Variants in PRSS23 observed in about 807,000 individuals in gnomAD.
PRSS23 encodes protease, serine 23.
Under a neutral mutation model 34.7 loss-of-function variants are expected in PRSS23, and 25 were observed. That is an observed-to-expected ratio of 0.72 (90% CI 0.53 to 1.01). The LOEUF is 1.01. Among genes scored for constraint, PRSS23 ranks in the 50% least tolerant of loss-of-function variants. The pLI is 0.00. For missense variants in PRSS23, 445 were observed against 475.6 expected (o/e 0.94, Z 0.60); for synonymous variants, 176 against 186.6 (o/e 0.94, Z 0.46).
chr11:86,821,513 T>C, intron 1 of PRSS23: 4 of 1,611,090 alleles, frequency 2.5e-6, no homozygotes, highest in Non-Finnish European at 3.4e-6. Context: ...AAAAATCCAT[T>C]GTTCAGTTGC....
At chr11:86,805,336 C>T (rs967915310) in intron 1 of PRSS23, among the ~76,000 whole-genome samples, 1 of 152,216 alleles carries the variant, frequency 6.6e-6, no homozygotes, top group Non-Finnish European at 1.5e-5. Context: ...ACCCATTTCA[C>T]TGCCAAGTTC....
At chr11:86,799,491 A>T (rs1481277983), upstream of PRSS23, among the ~76,000 whole-genome samples, 2 of 152,184 alleles carry the variant, frequency 1.3e-5, no homozygotes, top group African/African-American at 4.8e-5. Flanking sequence ...GGCAAGTCAT[A>T]AAACCTCTCC....
intron 2 of PRSS23, among the ~76,000 whole-genome samples, chr11:86,825,559 C>T (rs1948293446): frequency 1.3e-5 from 2 of 150,758 alleles, no homozygotes; most frequent in South Asian, 4.2e-4. Context: ...CTTGCCCATG[C>T]CTATGTCCTG....
chr11:86,813,103 G>A (rs1948191779), downstream of PRSS23, among the ~76,000 whole-genome samples: 1 of 152,162 alleles, frequency 6.6e-6, no homozygotes, highest in Non-Finnish European at 1.5e-5. Flanking sequence ...ATTGCTTGCT[G>A]CTTCTCAGAT....
chr11:86,903,517 C>G (rs1242366998), intron 2 of PRSS23, among the ~76,000 whole-genome samples: 1 of 139,826 alleles, frequency 7.2e-6, no homozygotes, highest in Non-Finnish European at 1.5e-5. Flanking sequence ...GAGTCTCGCT[C>G]TGTTGCCCAG....
intron 2 of PRSS23, among the ~76,000 whole-genome samples, chr11:86,871,943 C>A (rs549737352): frequency 6.6e-6 from 1 of 152,334 alleles, no homozygotes; most frequent in East Asian, 1.9e-4. Flanking sequence ...TATTTGTGTG[C>A]ACACATAGGT....
chr11:86,853,625 T>C (rs1948547437), intron 2 of PRSS23, among the ~76,000 whole-genome samples: 1 of 152,190 alleles, frequency 6.6e-6, no homozygotes, highest in South Asian at 2.1e-4. Context: ...TTTTTCATTC[T>C]TCTGTCCACG....
intron 2 of PRSS23, among the ~76,000 whole-genome samples, chr11:86,845,017 G>C (rs1401853410): frequency 6.6e-6 from 1 of 151,960 alleles, no homozygotes; most frequent in Non-Finnish European, 1.5e-5. Flanking sequence ...GAACTTGAGA[G>C]GTGGAAGTTG....
chr11:86,951,153 T>C (rs747158245), intron 2 of PRSS23: 28 of 1,614,036 alleles, frequency 1.7e-5, no homozygotes, highest in Non-Finnish European at 2.4e-5. Flanking sequence ...TATACCACAG[T>C]CTCACTGCCT....
At chr11:86,929,046 G>A (rs1168658131) in intron 2 of PRSS23, among the ~76,000 whole-genome samples, 2 of 152,102 alleles carry the variant, frequency 1.3e-5, no homozygotes, top group Non-Finnish European at 2.9e-5. Flanking sequence ...ACTTGGCTGG[G>A]TGCGGTGCCT....
At chr11:86,799,385 T>C (rs998527667), upstream of PRSS23, among the ~76,000 whole-genome samples, 11 of 152,012 alleles carry the variant, frequency 7.2e-5, no homozygotes, top group African/African-American at 2.7e-4. Context: ...TTTCTGAGAG[T>C]AGACTTTGAT....
chr11:86,905,960 G>C lies in PRSS23; in HGVS notation c.207-45256G>C, dbSNP rs577478886. ...GATGAGATCTCCTGATCTTGCTGGT[G>C]CCCTAGGCCCATCCCCACTGATGAC... On this transcript the variant is annotated intron_variant, in intron 2 of 2. Coordinates refer to the PRSS23 transcript ENST00000533902. 8.5e-5 allele frequency among the ~76,000 whole-genome samples: 13 copies of C among 152,304 alleles called. No homozygotes were observed. The East Asian group carries it at 2.5e-3, about 29-fold the overall frequency.
chr11:86,875,971 A>G (rs1298774083), intron 2 of PRSS23, among the ~76,000 whole-genome samples: 2 of 152,138 alleles, frequency 1.3e-5, no homozygotes, highest in Non-Finnish European at 2.9e-5. Context: ...AAAATAAAAC[A>G]CTGTGGGCTC....
intron 2 of PRSS23, among the ~76,000 whole-genome samples, chr11:86,856,356 A>T (rs1191646311): frequency 1.3e-5 from 2 of 151,606 alleles, no homozygotes; most frequent in East Asian, 3.9e-4. Flanking sequence ...ATGCCCACAC[A>T]GGTGCAAGTA....
At chr11:86,943,819 T>C (rs936637550) in intron 2 of PRSS23, among the ~76,000 whole-genome samples, 9 of 151,684 alleles carry the variant, frequency 5.9e-5, no homozygotes, top group African/African-American at 1.9e-4. Context: ...TCTCGGCTCA[T>C]TGCAACCTCT....
chr11:86,792,627 A>C (rs1947958372), intron 1 of PRSS23, among the ~76,000 whole-genome samples: 1 of 152,238 alleles, frequency 6.6e-6, no homozygotes, highest in African/African-American at 2.4e-5. Context: ...AAAACGAATA[A>C]AATTACAAGA....
intron 2 of PRSS23, among the ~76,000 whole-genome samples, chr11:86,831,128 A>G (rs1412818794): frequency 6.6e-6 from 1 of 151,920 alleles, no homozygotes; most frequent in Non-Finnish European, 1.5e-5. Context: ...GAAGGTGTAC[A>G]CTCCGTGATA....
rs373628516 is a variant in PRSS23 at position 86,807,930 on chromosome 11, G to A, written c.287G>A (p.Arg96His). Reference sequence around the variant, plus strand: ...GAAACGCTCTATGCCAATGGCAGCCGCACAGAGACGCAGGTGGGCATCTAC... The same window carrying A: ...GAAACGCTCTATGCCAATGGCAGCCACACAGAGACGCAGGTGGGCATCTAC... ...SYETLYANGS[R>H]TETQVGIYIL... is the part of the protein sequence containing the mutation. Residue 96 changes from arginine to histidine, a missense_variant, in exon 2 of 2, where the codon CGC becomes CAC. Transcript: ENST00000280258. 2.0e-5 allele frequency: 32 copies of A among 1,614,012 alleles called. No individual in the cohort carries two copies. The highest frequency in any genetic ancestry group is 5.3e-5 in the African/African-American group (4 of 74,908).
chr11:86,887,589 C>T (rs886358205), intron 2 of PRSS23, among the ~76,000 whole-genome samples: 15 of 152,082 alleles, frequency 9.9e-5, no homozygotes, highest in Non-Finnish European at 1.5e-4. Context: ...TCCTGATGCC[C>T]ACTGTGAAAG....
Sources: allele counts gnomAD v4.1 joint callset (sites outside exome capture counted in the v4.1 genomes callset), GRCh38; gene constraint gnomAD v4.1.1; transcripts MANE v1.5; gene names NCBI Gene and HGNC (gene_info 2026-07-23, HGNC 2026-07-21).